Variants in B3GAT1 observed in about 807,000 individuals in gnomAD.
The protein encoded by B3GAT1 is beta-1,3-glucuronyltransferase 1.
A neutral mutation model predicts 28.4 loss-of-function variants in B3GAT1; 11 were observed. The observed-to-expected ratio is 0.39, with a 90% CI of 0.24 to 0.64. The LOEUF is 0.64. B3GAT1 is among the 30% of genes least tolerant of loss of function. The pLI is 0.50. For missense variants in B3GAT1, 375 were observed against 491.0 expected (o/e 0.76, Z 2.23); for synonymous variants, 255 against 223.1 (o/e 1.14, Z -1.27).
rs1944082293 is a variant in B3GAT1, at chr11:134,379,608, A to AATT, written c.*1151_*1153dup. ...TCTTTCCCTTTTTTGTGTTTAGAAT[A>AATT]ATTTCCAAAGCAGTGTGCTCAGGCC... On this transcript the variant is annotated 3_prime_UTR_variant, in exon 6 of 6. Transcript: ENST00000312527. The AATT allele has an allele frequency of 2.0e-5, 3 of 152,194 alleles. No individual in the cohort carries two copies. The highest frequency in any genetic ancestry group is 7.2e-5 in the African/African-American group (3 of 41,438). The allele number at this position is 152,194 out of a possible 1,614,324, so 9.4% of individuals were successfully genotyped here. A position where few individuals can be genotyped will look rare whatever the true frequency, so the allele number is the denominator to read the frequency against.
At chr11:134,398,515 T>C (rs1944548629) in intron 1 of B3GAT1, among the ~76,000 whole-genome samples, 2 of 152,346 alleles carry the variant, frequency 1.3e-5, no homozygotes, top group Admixed American at 1.3e-4. Context: ...GGTTATCTCA[T>C]TTAATGTTTA....
In B3GAT1 at chr11:134,402,343, G is replaced by A. The variant is rs950439163; in HGVS notation, c.-282+9464C>T. Among the ~76,000 whole-genome samples the A allele has an allele frequency of 2.0e-5, 3 of 152,146 alleles. No homozygotes were observed. In the East Asian group the frequency reaches 5.8e-4, roughly 29 times the overall value. On this transcript the variant is annotated intron_variant, in intron 1 of 5. Transcript: ENST00000312527. ...CACTCAGGAAGGACCGGTGATTTCA[G>A]AGATTCCCCATCCCTCTTCTCTTCT...
Position 134,379,329 on chromosome 11 carries a change from T to G in B3GAT1, c.*1433A>C, listed in dbSNP as rs1014493713. The G allele has an allele frequency of 6.6e-6, 1 of 151,678 alleles. No individual in the cohort carries two copies. The highest frequency in any genetic ancestry group is 2.4e-5 in the African/African-American group (1 of 41,222). 9.4% of individuals were successfully genotyped at this position (151,678 alleles called of 1,614,324 possible). A position where few individuals can be genotyped will look rare whatever the true frequency, so the allele number is the denominator to read the frequency against. ...TGTTAGTTAAAAAATAAACACCTCT[T>G]CAGTAGGCTGGGGCCCTTTCCTTTT... On this transcript the variant is annotated 3_prime_UTR_variant, in exon 6 of 6. Transcript: ENST00000312527.
intron 3 of B3GAT1, 102 bp downstream of exon 3, chr11:134,383,578 G>C: frequency 2.9e-6 from 4 of 1,400,110 alleles, no homozygotes; most frequent in South Asian, 3.0e-5. Flanking sequence ...GGCTTCCCGG[G>C]TTCCCCCTGC....
chr11:134,412,114 G>GGGGAGGGGGGAGGTGGAGCC lies in B3GAT1; in HGVS notation c.-590_-589insGGCTCCACCTCCCCCCTCCC, dbSNP rs1463053285. On this transcript the variant is annotated 5_prime_UTR_variant, in exon 1 of 6. Transcript: ENST00000312527. ...GGGGCGGGGGGCGGGGAGGGGGAGCGGGGAGGGGGAGCGGGGAGCGGGCGC... is the reference window on the plus strand; with the variant it reads ...GGGGCGGGGGGCGGGGAGGGGGAGCGGGGAGGGGGGAGGTGGAGCCGGGAGGGGGAGCGGGGAGCGGGCGC... Among the ~76,000 whole-genome samples the GGGGAGGGGGGAGGTGGAGCC allele has an allele frequency of 2.4e-4, 34 of 139,356 alleles. No homozygotes were observed. Among genetic ancestry groups the GGGGAGGGGGGAGGTGGAGCC allele is most frequent in the African/African-American group, 8.8e-4 (34 of 38,796 alleles). The allele number at this position is 139,356 out of a possible 152,430, so 91.4% of individuals were successfully genotyped here.
At chr11:134,388,520 G>C (rs1944344937) in intron 1 of B3GAT1, 1 of 155,774 alleles carries the variant, frequency 6.4e-6, no homozygotes. Flanking sequence ...GTTTGTTATG[G>C]GTCATATTGC....
At chr11:134,394,322 G>T (rs1227812588) in intron 1 of B3GAT1, among the ~76,000 whole-genome samples, 1 of 152,230 alleles carries the variant, frequency 6.6e-6, no homozygotes, top group Non-Finnish European at 1.5e-5. Flanking sequence ...CATTTTGCAT[G>T]TGAGGACACC....
rs1459363006 is a variant in B3GAT1 at position 134,403,979 on chromosome 11, TTCTTTATATATA to T, written c.-282+7816_-282+7827del. On this transcript the variant is annotated intron_variant, in intron 1 of 5. Transcript: ENST00000312527. ...GTCATTTAACGGGTACAGAGTTTCT[TTCTTTATATATA>T]TATATATATATATATATATATATAT... 3.9e-3 allele frequency among the ~76,000 whole-genome samples: 381 copies of T among 96,972 alleles called. 7 individuals are homozygous for T. The highest frequency in any genetic ancestry group is 0.015 in the African/African-American group (357 of 24,060). 63.6% of individuals were successfully genotyped at this position (96,972 alleles called of 152,430 possible).
chr11:134,401,454 C>T (rs1340989622), intron 1 of B3GAT1, among the ~76,000 whole-genome samples: 3 of 152,146 alleles, frequency 2.0e-5, no homozygotes, highest in Admixed American at 6.5e-5. Flanking sequence ...AGCTGGAGGC[C>T]ATTATCCTAA....
intron 1 of B3GAT1, among the ~76,000 whole-genome samples, chr11:134,399,056 C>A (rs894093188): frequency 6.6e-6 from 1 of 152,078 alleles, no homozygotes; most frequent in Admixed American, 6.5e-5. Flanking sequence ...GCTCCCTCCC[C>A]GGGGGGGCTC....
At chr11:134,399,195 C>A (rs1453303000) in intron 1 of B3GAT1, among the ~76,000 whole-genome samples, 1 of 152,236 alleles carries the variant, frequency 6.6e-6, no homozygotes, top group African/African-American at 2.4e-5. Flanking sequence ...CCTCACCTCA[C>A]CTGTTGGAGA....
intron 1 of B3GAT1, among the ~76,000 whole-genome samples, chr11:134,401,420 C>T (rs1944610848): frequency 6.6e-6 from 1 of 152,142 alleles, no homozygotes. Flanking sequence ...TTAAATAATG[C>T]TTTTTTTGCA....
intron 3 of B3GAT1, among the ~76,000 whole-genome samples, chr11:134,383,327 T>C (rs1944179498): frequency 6.6e-6 from 1 of 152,132 alleles, no homozygotes; most frequent in Non-Finnish European, 1.5e-5. Flanking sequence ...GTGACTCCCC[T>C]TGTCCCCGAG....
At position 134,397,110 on chromosome 11, in the gene B3GAT1, C is replaced by G. The variant is rs61908691; in HGVS notation, c.-281-9170G>C. 4.8e-3 allele frequency among the ~76,000 whole-genome samples: 735 copies of G among 152,310 alleles called. 4 individuals are homozygous for G. The highest frequency in any genetic ancestry group is 0.01 in the Middle Eastern group (3 of 294). On this transcript the variant is annotated intron_variant, in intron 1 of 5. Transcript: ENST00000312527. Reference sequence around the variant, plus strand: ...AGGGCTGCCCTTGACTCCACCTTCTCCCTGCATCAGCGGGGCCTCAGCTCC... The same window carrying G: ...AGGGCTGCCCTTGACTCCACCTTCTGCCTGCATCAGCGGGGCCTCAGCTCC...
At position 134,387,655 on chromosome 11, in the gene B3GAT1, G is replaced by C. The variant is rs780367245; in HGVS notation, c.5C>G (p.Pro2Arg). MPKRRDILAIVL... is the reference protein window; with the variant it reads MRKRRDILAIVL... ...GATCGCTAGGATGTCCCGTCTCTTC[G>C]GCATCTCCAAGGCTGGCTGCACCCA... Residue 2 changes from proline to arginine, a missense_variant, in exon 2 of 6, where the codon CCG becomes CGG. Pro to Arg is a moderately radical substitution (Grantham distance 103). Transcript: ENST00000312527. 6.2e-7 allele frequency: 1 copy of C among 1,614,082 alleles called. No homozygotes were observed. The highest frequency in any genetic ancestry group is 1.1e-5 in the South Asian group (1 of 91,066).
intron 1 of B3GAT1, among the ~76,000 whole-genome samples, chr11:134,400,110 T>A (rs1223470616): frequency 1.3e-5 from 2 of 152,180 alleles, no homozygotes; most frequent in Non-Finnish European, 2.9e-5. Flanking sequence ...GAGACTCTCC[T>A]GGGCTCTGTG....
At chr11:134,405,832 C>T (rs1422581676) in intron 1 of B3GAT1, among the ~76,000 whole-genome samples, 1 of 152,220 alleles carries the variant, frequency 6.6e-6, no homozygotes, top group Non-Finnish European at 1.5e-5. Context: ...AGGCTGGCAG[C>T]CAGGTAGCCT....
Position 134,405,947 on chromosome 11 carries a change from G to A in B3GAT1, c.-282+5860C>T, listed in dbSNP as rs189186574. On this transcript the variant is annotated intron_variant, in intron 1 of 5. Coordinates refer to ENST00000312527, the MANE Select transcript of B3GAT1 (RefSeq NM_054025.3). ...TTGGTGGGCAGGGTCCCTCCCTCTG[G>A]CCTCCGGCTTGGGTCGCTCTGTGGA... is the stretch of plus-strand genomic sequence containing the variant. Among the ~76,000 whole-genome samples the A allele has an allele frequency of 8.4e-4, 128 of 152,294 alleles. 1 individual carries two copies. The South Asian group carries it at 0.015, about 18-fold the overall frequency.
intron 1 of B3GAT1, among the ~76,000 whole-genome samples, chr11:134,398,346 A>G (rs978095071): frequency 2.6e-5 from 4 of 152,164 alleles, no homozygotes; most frequent in African/African-American, 9.7e-5. Flanking sequence ...CTTGGCACCC[A>G]GTGGCTTCGG....
Sources: gnomAD v4.1 joint callset for allele counts (sites outside exome capture counted in the v4.1 genomes callset) on GRCh38, gnomAD v4.1.1 for gene constraint, MANE v1.5 for transcripts, NCBI Gene and HGNC (gene_info 2026-07-23, HGNC 2026-07-21) for gene names.